GPATCH2: variants seen among roughly 807,000 people sequenced by gnomAD.
GPATCH2 encodes G-patch domain containing 2.
GPATCH2 carries 51 observed loss-of-function variants against 58.0 expected under a neutral mutation model. The observed-to-expected ratio is 0.88, with a 90% CI of 0.70 to 1.11. The LOEUF (loss-of-function observed/expected upper bound fraction) is 1.11, where lower values mean the gene tolerates loss of function less well. Ranked by LOEUF, GPATCH2 falls within the 50% of genes most tolerant of loss-of-function variation. The pLI, the probability that GPATCH2 is intolerant of heterozygous loss-of-function variation, is 0.00. For missense variants in GPATCH2, 625 were observed against 652.2 expected (o/e 0.96, Z 0.45); for synonymous variants, 222 against 218.5 (o/e 1.02, Z -0.14).
intron 1 of GPATCH2, among the ~76,000 whole-genome samples, chr1:217,622,180 A>G (rs982559004): frequency 2.6e-5 from 4 of 152,184 alleles, no homozygotes; most frequent in Admixed American, 2.6e-4. Context: ...GTAAAACCCA[A>G]ATGACTCGTA....
intron 5 of GPATCH2, among the ~76,000 whole-genome samples, chr1:217,595,119 G>A (rs376778973): frequency 2.1e-4 from 32 of 152,206 alleles, no homozygotes; most frequent in East Asian, 1.2e-3. Context: ...ACAGTTTTGA[G>A]AAGCTATATG....
chr1:217,603,600 T>C (rs968049994), intron 5 of GPATCH2, among the ~76,000 whole-genome samples: 4 of 151,834 alleles, frequency 2.6e-5, no homozygotes, highest in African/African-American at 9.7e-5. Flanking sequence ...GACATCAAAA[T>C]AGAGAATTTA....
chr1:217,587,455 T>G (rs1473766774), intron 5 of GPATCH2, among the ~76,000 whole-genome samples: 1 of 152,098 alleles, frequency 6.6e-6, no homozygotes, highest in East Asian at 1.9e-4. Context: ...AAGCCTAAGA[T>G]AGAAAGAGAC....
intron 5 of GPATCH2, among the ~76,000 whole-genome samples, chr1:217,589,854 T>C (rs1396656392): frequency 6.6e-6 from 1 of 152,198 alleles, no homozygotes; most frequent in East Asian, 1.9e-4. Context: ...ACAGGGAAAA[T>C]AATATCTTTA....
At chr1:217,579,853 A>G (rs1308313109) in intron 5 of GPATCH2, among the ~76,000 whole-genome samples, 1 of 152,198 alleles carries the variant, frequency 6.6e-6, no homozygotes, top group Non-Finnish European at 1.5e-5. Context: ...TGAAATGAGA[A>G]AAGTAAAAGA....
chr1:217,434,211 T>C (rs1184103130), intron 9 of GPATCH2, among the ~76,000 whole-genome samples: 1 of 152,194 alleles, frequency 6.6e-6, no homozygotes, highest in Non-Finnish European at 1.5e-5. Context: ...TGACTAAAAT[T>C]ATTGACCACT....
chr1:217,602,041 C>G (rs547381543), intron 5 of GPATCH2, among the ~76,000 whole-genome samples: 61 of 152,238 alleles, frequency 4.0e-4, no homozygotes, highest in Non-Finnish European at 7.6e-4. Flanking sequence ...TGGATCCTAC[C>G]TACTGTAGAA....
At chr1:217,575,564 T>C (rs1666768107) in intron 5 of GPATCH2, among the ~76,000 whole-genome samples, 1 of 152,174 alleles carries the variant, frequency 6.6e-6, no homozygotes, top group Non-Finnish European at 1.5e-5. Flanking sequence ...ACTGATTCTT[T>C]ATGTGCTTCC....
chr1:217,618,338 T>C (rs954517605), intron 2 of GPATCH2, among the ~76,000 whole-genome samples: 1 of 150,846 alleles, frequency 6.6e-6, no homozygotes, highest in African/African-American at 2.4e-5. Flanking sequence ...GCCTCCTGAG[T>C]AGCTGGGACT....
At chr1:217,562,886 C>G (rs570984359) in intron 5 of GPATCH2, among the ~76,000 whole-genome samples, 3 of 152,344 alleles carry the variant, frequency 2.0e-5, no homozygotes, top group Non-Finnish European at 4.4e-5. Context: ...TCTTCCTACT[C>G]TTTTCTAGTA....
chr1:217,517,293 G>C (rs1277563549), intron 5 of GPATCH2, among the ~76,000 whole-genome samples: 1 of 151,828 alleles, frequency 6.6e-6, no homozygotes, highest in East Asian at 1.9e-4. Flanking sequence ...TGCAAAATAG[G>C]CATAATTTAG....
chr1:217,439,823 C>G (rs923677657), intron 9 of GPATCH2, among the ~76,000 whole-genome samples: 1 of 152,070 alleles, frequency 6.6e-6, no homozygotes, highest in Non-Finnish European at 1.5e-5. Context: ...AGGAAGAAGT[C>G]GAATCCCTGA....
chr1:217,506,132 A>G (rs1324009627), intron 6 of GPATCH2, among the ~76,000 whole-genome samples: 4 of 152,370 alleles, frequency 2.6e-5, no homozygotes, highest in African/African-American at 9.6e-5. Context: ...CTACATTTCA[A>G]GTGCTAAAGG....
intron 5 of GPATCH2, among the ~76,000 whole-genome samples, chr1:217,582,895 C>T (rs1667140989): frequency 6.6e-6 from 1 of 152,176 alleles, no homozygotes; most frequent in Non-Finnish European, 1.5e-5. Context: ...AGAGTTTACA[C>T]TACAACAGAA....
At chr1:217,536,782 C>T (rs1659861795) in intron 5 of GPATCH2, among the ~76,000 whole-genome samples, 1 of 152,130 alleles carries the variant, frequency 6.6e-6, no homozygotes, top group Non-Finnish European at 1.5e-5. Flanking sequence ...TGAGACCAGC[C>T]TGACCAACAT....
At chr1:217,461,565 A>T (rs973995392) in intron 8 of GPATCH2, among the ~76,000 whole-genome samples, 1 of 152,226 alleles carries the variant, frequency 6.6e-6, no homozygotes, top group African/African-American at 2.4e-5. Context: ...TTAACAAGGC[A>T]TGTCAAGGCT....
intron 6 of GPATCH2, among the ~76,000 whole-genome samples, chr1:217,501,890 C>T (rs1484832806): frequency 1.3e-5 from 2 of 152,042 alleles, no homozygotes; most frequent in Non-Finnish European, 2.9e-5. Flanking sequence ...AATATTTTCT[C>T]TCAGTGTGTA....
chr1:217,570,154 C>T lies in GPATCH2; in HGVS notation c.1098+40167G>A, dbSNP rs184270840. Among the ~76,000 whole-genome samples the T allele has an allele frequency of 2.0e-5, 3 of 152,252 alleles. No homozygotes were observed. In the East Asian group the frequency reaches 5.8e-4, roughly 29 times the overall value. ...TTGAGACAGTCTCGCTCATGTTGCC[C>T]AGGCTGGAGTGCAGTGGCTCAATCT... is the stretch of plus-strand genomic sequence containing the variant. On this transcript the variant is annotated intron_variant, in intron 5 of 9. Transcript: ENST00000366935.
intron 1 of GPATCH2, among the ~76,000 whole-genome samples, chr1:217,622,593 A>T (rs1456617871): frequency 6.6e-6 from 1 of 152,140 alleles, no homozygotes; most frequent in Non-Finnish European, 1.5e-5. Context: ...ACCCAGGCTG[A>T]AGTGCAGTGG....
Sources: allele counts gnomAD v4.1 joint callset (sites outside exome capture counted in the v4.1 genomes callset), GRCh38; gene constraint gnomAD v4.1.1; transcripts MANE v1.5; gene names NCBI Gene and HGNC (gene_info 2026-07-23, HGNC 2026-07-21).